The following SIDT1 variants were observed in gnomAD, a reference collection of about 807,000 sequenced individuals.
The protein encoded by SIDT1 is SID1 transmembrane family member 1, also known as SID1 transmembrane family, member 1.
Under a neutral mutation model 107.5 loss-of-function variants are expected in SIDT1, and 101 were observed. The ratio of observed to expected loss-of-function variants is 0.94; its 90% CI spans 0.80 to 1.11. SIDT1 has a LOEUF of 1.11. SIDT1 is among the 50% of genes least tolerant of loss of function. The pLI is 0.00. For missense variants in SIDT1, 1,076 were observed against 1,058.2 expected (o/e 1.02, Z -0.23); for synonymous variants, 395 against 398.2 (o/e 0.99, Z 0.10).
At chr3:113,603,843 G>C in intron 12 of SIDT1, 117 bp from the exon 13 acceptor site, 1 of 663,762 alleles carries the variant, frequency 1.5e-6, no homozygotes, top group South Asian at 1.9e-5. Context: ...TAATTGTATC[G>C]CTTGAATAAT....
intron 3 of SIDT1, among the ~76,000 whole-genome samples, chr3:113,576,131 C>A (rs1942880328): frequency 6.6e-6 from 1 of 152,196 alleles, no homozygotes; most frequent in Non-Finnish European, 1.5e-5. Context: ...AGCAGACAGC[C>A]CTCTATACTA....
intron 15 of SIDT1, among the ~76,000 whole-genome samples, chr3:113,607,581 C>T (rs1028415256): frequency 5.3e-5 from 8 of 152,234 alleles, no homozygotes; most frequent in Non-Finnish European, 8.8e-5. Context: ...AACTTGGTGA[C>T]GTGGAAGAAG....
chr3:113,607,801 C>T (rs1945446502), intron 15 of SIDT1, among the ~76,000 whole-genome samples: 1 of 152,104 alleles, frequency 6.6e-6, no homozygotes, highest in Non-Finnish European at 1.5e-5. Context: ...GCTGTCTTTC[C>T]CAGGATTCAT....
At chr3:113,625,888 G>A (rs1244357924) in intron 23 of SIDT1, 16 of 516,996 alleles carry the variant, frequency 3.1e-5, no homozygotes, top group South Asian at 5.2e-5. Context: ...CAGAAGCTTC[G>A]TAGCTTGATG....
At chr3:113,558,830 T>C (rs1426707677) in intron 1 of SIDT1, among the ~76,000 whole-genome samples, 2 of 152,272 alleles carry the variant, frequency 1.3e-5, no homozygotes, top group Non-Finnish European at 2.9e-5. Flanking sequence ...AAATCCATTA[T>C]TTTAAATTTG....
At chr3:113,536,956 G>T (rs1379900857) in intron 1 of SIDT1, among the ~76,000 whole-genome samples, 1 of 152,234 alleles carries the variant, frequency 6.6e-6, no homozygotes, top group African/African-American at 2.4e-5. Context: ...AAACTAACTT[G>T]TTGGGAAAGT....
At chr3:113,630,737 C>A (rs1947085814), downstream of SIDT1, among the ~76,000 whole-genome samples, 1 of 152,146 alleles carries the variant, frequency 6.6e-6, no homozygotes, top group African/African-American at 2.4e-5. Context: ...AGCTGGCACA[C>A]CTCCATGATT....
chr3:113,568,085 G>T (rs1942086453), intron 3 of SIDT1, among the ~76,000 whole-genome samples: 1 of 151,996 alleles, frequency 6.6e-6, no homozygotes, highest in Admixed American at 6.6e-5. Flanking sequence ...TATTTTTCTT[G>T]TCCTTATTAT....
At chr3:113,620,485 G>A (rs1399370912) in intron 21 of SIDT1, among the ~76,000 whole-genome samples, 4 of 148,656 alleles carry the variant, frequency 2.7e-5, no homozygotes, top group African/African-American at 9.9e-5. Context: ...GCTCCTCAGG[G>A]TCAGTGGCCT....
chr3:113,606,029 A>C (rs1216968619), intron 14 of SIDT1, among the ~76,000 whole-genome samples: 6 of 31,996 alleles, frequency 1.9e-4, no homozygotes, highest in Admixed American at 3.1e-4. Flanking sequence ...GAAAAAAAAG[A>C]AAAAAAAAAA....
chr3:113,620,134 A>C (rs1338656221), intron 21 of SIDT1, among the ~76,000 whole-genome samples: 1 of 151,754 alleles, frequency 6.6e-6, no homozygotes, highest in Non-Finnish European at 1.5e-5. Flanking sequence ...CTTTCACAGA[A>C]TTTTCATAAA....
intron 9 of SIDT1, among the ~76,000 whole-genome samples, chr3:113,586,020 A>C (rs1039988875): frequency 1.3e-5 from 2 of 152,230 alleles, no homozygotes; most frequent in African/African-American, 4.8e-5. Context: ...AAAGAAAACA[A>C]AGCCAGAATT....
intron 19 of SIDT1, among the ~76,000 whole-genome samples, chr3:113,614,541 T>A (rs13434073): frequency 0.017 from 2,665 of 152,314 alleles, 67 homozygotes; most frequent in African/African-American, 0.06. Flanking sequence ...ATGGACAGTG[T>A]TCAGCTGACT....
chr3:113,608,385 T>C (rs1455801844), intron 16 of SIDT1, 34 bp from the exon 17 acceptor site: 6 of 1,552,724 alleles, frequency 3.9e-6, no homozygotes, highest in Non-Finnish European at 5.3e-6. Flanking sequence ...TGGCACTATT[T>C]AGTATCTATT....
At chr3:113,624,266 G>A (rs1414943340) in intron 23 of SIDT1, among the ~76,000 whole-genome samples, 2 of 152,104 alleles carry the variant, frequency 1.3e-5, no homozygotes, top group African/African-American at 2.4e-5. Flanking sequence ...CTCATTTCTC[G>A]CTAACCCCTT....
chr3:113,573,168 G>C lies in SIDT1; in HGVS notation c.516-3754G>C, dbSNP rs78598511. ...ACTCCTACAGTGATGTCAGAAGTCT[G>C]GTGAGGTTTACTGACAAAGGGACAT... On this transcript the variant is annotated intron_variant, in intron 3 of 24. Transcript: ENST00000264852. Among the ~76,000 whole-genome samples the C allele has an allele frequency of 7.4e-3, 1,128 of 152,208 alleles. 14 individuals are homozygous for C. The highest frequency in any genetic ancestry group is 0.051 in the South Asian group (247 of 4,810).
intron 9 of SIDT1, among the ~76,000 whole-genome samples, chr3:113,587,168 AG>A (rs1298125830): frequency 6.6e-6 from 1 of 152,170 alleles, no homozygotes; most frequent in Non-Finnish European, 1.5e-5. Flanking sequence ...CAAATGGTCC[AG>A]GAAAAAAAAG....
Position 113,627,930 on chromosome 3 carries a change from G to A in SIDT1, c.*222G>A. The A allele has an allele frequency of 1.8e-6, 1 of 563,120 alleles. No homozygotes were observed. Among genetic ancestry groups the A allele is most frequent in the Non-Finnish European group, 3.2e-6 (1 of 314,566 alleles). The allele number at this position is 563,120 out of a possible 1,614,324, so 34.9% of individuals were successfully genotyped here. ...TTGAGGACAGACGCAAACCTGAGGA[G>A]CTGAGAAACACTTGCTCCTTCCATC... is the stretch of plus-strand genomic sequence containing the variant. On this transcript the variant is annotated 3_prime_UTR_variant, in exon 25 of 25. Coordinates refer to ENST00000264852, the MANE Select transcript of SIDT1 (RefSeq NM_017699.3).
At chr3:113,636,864 C>T in the SIDT1 span, among the ~76,000 whole-genome samples, 1 of 152,136 alleles carries the variant, frequency 6.6e-6, no homozygotes, top group Non-Finnish European at 1.5e-5. Flanking sequence ...GTCTCACATG[C>T]AGGAGAGGCG....
Sources: allele counts gnomAD v4.1 joint callset (sites outside exome capture counted in the v4.1 genomes callset), GRCh38; gene constraint gnomAD v4.1.1; transcripts MANE v1.5; gene names NCBI Gene and HGNC (gene_info 2026-07-23, HGNC 2026-07-21).